HELZ: variants seen among roughly 807,000 people sequenced by gnomAD.
The protein encoded by HELZ is helicase with zinc finger, also known as ATP-dependent RNA helicase with zinc finger domain.
Under a neutral mutation model 218.2 loss-of-function variants are expected in HELZ, and 23 were observed. That is an observed-to-expected ratio of 0.11 (90% confidence interval 0.08 to 0.15). The LOEUF (loss-of-function observed/expected upper bound fraction) is 0.15. HELZ is among the 10% of genes least tolerant of loss of function. The probability of loss-of-function intolerance (pLI) is 1.00; values close to 1 mark genes in which losing one functional copy is unlikely to be tolerated. For missense variants in HELZ, 1,813 were observed against 2,353.7 expected, an observed-to-expected ratio of 0.77 and a Z score of 4.75; for synonymous variants, 814 against 829.4, an observed-to-expected ratio of 0.98 and a Z score of 0.32.
rs566283236 is a variant in HELZ at position 67,078,456 on chromosome 17, G to A, written c.5625C>T (p.Ile1875=). The A allele has an allele frequency of 2.6e-5, 41 of 1,592,644 alleles. No homozygotes were observed. Among genetic ancestry groups the A allele is most frequent in the Admixed American group, 2.6e-4 (14 of 54,706 alleles). The change falls in exon 33 of 33, where the codon ATC becomes ATT. Residue 1875 remains isoleucine, a synonymous_variant. Coordinates refer to ENST00000358691, the MANE Select transcript of HELZ (RefSeq NM_014877.4). ...GGCTACTGCTATTGGCCGACTCCGC[G>A]ATCTGCTTGTTAGGCATAAGGGGTG... The part of the protein sequence containing the change: ...QFPPLMPNKQ[I]AESANSSSPQ...
intron 24 of HELZ, among the ~76,000 whole-genome samples, chr17:67,128,225 C>T (rs911403198): frequency 6.6e-6 from 1 of 152,134 alleles, no homozygotes; most frequent in African/African-American, 2.4e-5. Flanking sequence ...ATAAATTGGT[C>T]ATCAGTAAAG....
At position 67,075,881 on chromosome 17, in the gene HELZ, G is replaced by C. The variant is rs1259101260; in HGVS notation, c.*2371C>G. ...TTATTTTTAGTTTTTAGAAATAACT[G>C]CTTAGAACAAGGATGTCATGACAAC... On this transcript the variant is annotated 3_prime_UTR_variant, in exon 33 of 33. Transcript: ENST00000358691. 3 of 152,590 alleles carry C rather than the reference G, an allele frequency of 2.0e-5. No individual in the cohort carries two copies. Among genetic ancestry groups the C allele is most frequent in the African/African-American group, 7.2e-5 (3 of 41,426 alleles). 9.5% of individuals were successfully genotyped at this position (152,590 alleles called of 1,614,324 possible).
At chr17:67,231,394 C>A (rs1471072265) in intron 3 of HELZ, among the ~76,000 whole-genome samples, 1 of 151,670 alleles carries the variant, frequency 6.6e-6, no homozygotes, top group South Asian at 2.1e-4. Flanking sequence ...GAGATCGAGA[C>A]CATCCTGGCT....
intron 2 of HELZ, among the ~76,000 whole-genome samples, chr17:67,241,135 T>A (rs1435205684): frequency 1.3e-5 from 2 of 152,244 alleles, no homozygotes; most frequent in Non-Finnish European, 2.9e-5. Context: ...TCTCCACTTG[T>A]ATCACTTTTC....
chr17:67,166,702 C>T, intron 14 of HELZ, 94 bp from the exon 15 acceptor site: 1 of 1,041,198 alleles, frequency 9.6e-7, no homozygotes, highest in Non-Finnish European at 1.5e-6. Flanking sequence ...CTGTTTGGGA[C>T]AGTAAGTTTA....
intron 12 of HELZ, among the ~76,000 whole-genome samples, chr17:67,181,199 T>G (rs2144240763): frequency 1.3e-5 from 2 of 152,338 alleles, no homozygotes; most frequent in South Asian, 4.1e-4. Context: ...TTAAAAAAAT[T>G]AATTCAGACT....
chr17:67,162,837 G>C (rs565877644), intron 15 of HELZ, among the ~76,000 whole-genome samples: 2 of 150,652 alleles, frequency 1.3e-5, no homozygotes, highest in Non-Finnish European at 2.9e-5. Context: ...CTTATATTTT[G>C]CATGAGGCAA....
At chr17:67,207,687 T>C (rs1426385898) in intron 5 of HELZ, among the ~76,000 whole-genome samples, 1 of 152,164 alleles carries the variant, frequency 6.6e-6, no homozygotes, top group Non-Finnish European at 1.5e-5. Context: ...TGCTTAGATA[T>C]AATCATGCTC....
intron 31 of HELZ, among the ~76,000 whole-genome samples, chr17:67,106,791 A>C (rs1305560149): frequency 1.3e-5 from 2 of 152,234 alleles, no homozygotes; most frequent in Non-Finnish European, 2.9e-5. Context: ...CTGGCTGAAA[A>C]GCCAGCATCT....
At chr17:67,131,445 G>A (rs1462347573) in intron 23 of HELZ, among the ~76,000 whole-genome samples, 3 of 152,216 alleles carry the variant, frequency 2.0e-5, no homozygotes, top group African/African-American at 7.2e-5. Context: ...CAAAGAAATA[G>A]CCTTCGAGTT....
At chr17:67,224,562 A>G in intron 3 of HELZ, 1 of 437,214 alleles carries the variant, frequency 2.3e-6, no homozygotes, top group South Asian at 2.1e-5. Context: ...AATAGTGTAT[A>G]CACGATTATT....
At position 67,195,286 on chromosome 17, in the gene HELZ, A is replaced by C. The variant is rs1430919612; in HGVS notation, c.481+133T>G. 5.6e-6 allele frequency: 3 copies of C among 532,292 alleles called. No homozygotes were observed. In the African/African-American group the frequency reaches 5.7e-5, roughly 10 times the overall value. The allele number at this position is 532,292 out of a possible 1,614,324, so 33.0% of individuals were successfully genotyped here. ...TGCTTTCAACTACACCTACTTCTTA[A>C]AATTAAAATCTTATATTCTCTCCTA... On this transcript the variant is annotated intron_variant, in intron 8 of 32. Coordinates refer to ENST00000358691, the MANE Select transcript of HELZ (RefSeq NM_014877.4).
chr17:67,224,930 G>A, intron 3 of HELZ: 1 of 718,320 alleles, frequency 1.4e-6, no homozygotes, highest in South Asian at 1.4e-5. Flanking sequence ...ACTGTGCTAA[G>A]ACTTGAGTGC....
intron 3 of HELZ, chr17:67,224,818 T>C (rs2143370715): frequency 9.3e-7 from 1 of 1,078,346 alleles, no homozygotes; most frequent in Non-Finnish European, 1.4e-6. Flanking sequence ...GGGCAAGGAT[T>C]CTCTGTATGC....
At chr17:67,135,193 A>G (rs1321983282) in intron 23 of HELZ, among the ~76,000 whole-genome samples, 3 of 152,214 alleles carry the variant, frequency 2.0e-5, no homozygotes, top group African/African-American at 7.2e-5. Flanking sequence ...CCGAAAGACA[A>G]GTAATGACCA....
intron 3 of HELZ, among the ~76,000 whole-genome samples, chr17:67,237,453 C>T (rs1298255537): frequency 6.6e-6 from 1 of 152,166 alleles, no homozygotes; most frequent in African/African-American, 2.4e-5. Flanking sequence ...TCAAGGCTAA[C>T]TTGCTGACTT....
intron 12 of HELZ, among the ~76,000 whole-genome samples, chr17:67,180,877 CAAAAA>C (rs1019801835): frequency 7.2e-5 from 3 of 41,918 alleles, no homozygotes; most frequent in East Asian, 7.8e-4. Flanking sequence ...GACTCCATCT[CAAAAA>C]AAAAAAAAAA....
chr17:67,224,750 G>A lies in HELZ; in HGVS notation c.-18-5928C>T, dbSNP rs1304147286. 6.1e-6 allele frequency: 7 copies of A among 1,148,052 alleles called. No individual in the cohort carries two copies. The Admixed American group carries it at 1.2e-4, about 20-fold the overall frequency. The allele number at this position is 1,148,052 out of a possible 1,614,324, so 71.1% of individuals were successfully genotyped here. On this transcript the variant is annotated intron_variant, in intron 3 of 32. Coordinates refer to ENST00000358691, the MANE Select transcript of HELZ (RefSeq NM_014877.4). ...AACATGGTGAACGTTGCTAAAACCC[G>A]CCGGACTTTCTGTAAGAAGTGTGGC...
At chr17:67,114,076 T>C (rs768685490) in intron 28 of HELZ, among the ~76,000 whole-genome samples, 3 of 152,158 alleles carry the variant, frequency 2.0e-5, no homozygotes, top group Non-Finnish European at 4.4e-5. Flanking sequence ...TACCTTATCA[T>C]AGAAAATCTC....
Sources: gnomAD v4.1 joint callset for allele counts (sites outside exome capture counted in the v4.1 genomes callset) on GRCh38, gnomAD v4.1.1 for gene constraint, MANE v1.5 for transcripts, NCBI Gene and HGNC (gene_info 2026-07-23, HGNC 2026-07-21) for gene names.